The following UST variants were observed in gnomAD, a reference collection of about 807,000 sequenced individuals.
UST encodes uronyl 2-sulfotransferase.
UST carries 21 observed loss-of-function variants against 45.6 expected under a neutral mutation model. The observed-to-expected ratio is 0.46, with a 90% CI of 0.33 to 0.66. The LOEUF is 0.66. Among genes scored for constraint, UST ranks in the 30% least tolerant of loss-of-function variants. The pLI is 0.02. For synonymous variants in UST, 215 were observed against 200.6 expected, an observed-to-expected ratio of 1.07 and a Z score of -0.61; for missense variants, 463 against 512.4, an observed-to-expected ratio of 0.90 and a Z score of 0.93.
Position 148,748,234 on chromosome 6 carries a change from G to C in UST, c.247+557G>C, listed in dbSNP as rs1392933907. 1.3e-5 allele frequency among the ~76,000 whole-genome samples: 2 copies of C among 151,996 alleles called. No individual in the cohort carries two copies. The highest frequency in any genetic ancestry group is 6.6e-5 in the Admixed American group (1 of 15,258). ...TGTCCCCGGGCTGGCTTGTCCCTTG[G>C]CTGCCGCTGCCCACCCCGCCGCCCG... On this transcript the variant is annotated intron_variant, in intron 1 of 7. Transcript: ENST00000367463. The surrounding 1 kb of genome is among the most constrained non-coding windows in gnomAD (Gnocchi z 5.3).
intron 1 of UST, among the ~76,000 whole-genome samples, chr6:148,773,054 A>G (rs923877818): frequency 2.6e-5 from 4 of 152,234 alleles, no homozygotes; most frequent in Admixed American, 2.0e-4. Flanking sequence ...AGGAATTTTA[A>G]AAAAAATTAT....
At chr6:148,968,310 A>G (rs1160327483) in intron 5 of UST, among the ~76,000 whole-genome samples, 1 of 152,166 alleles carries the variant, frequency 6.6e-6, no homozygotes, top group Non-Finnish European at 1.5e-5. Flanking sequence ...CAAACTTTCT[A>G]TTTCTTTCCA....
intron 7 of UST, among the ~76,000 whole-genome samples, chr6:149,042,074 A>G (rs1353234393): frequency 1.3e-5 from 2 of 152,254 alleles, no homozygotes; most frequent in Non-Finnish European, 2.9e-5. Context: ...GTACTGTGAT[A>G]AACATTTTAT....
intron 1 of UST, among the ~76,000 whole-genome samples, chr6:148,832,272 A>G (rs1307843250): frequency 2.0e-5 from 3 of 152,214 alleles, no homozygotes; most frequent in Non-Finnish European, 2.9e-5. Flanking sequence ...AATTGACTTT[A>G]AACCAAACAC....
chr6:148,961,421 C>A (rs1321715477), intron 4 of UST, among the ~76,000 whole-genome samples: 2 of 152,034 alleles, frequency 1.3e-5, no homozygotes, highest in African/African-American at 4.8e-5. Flanking sequence ...TTTAGCGCTC[C>A]ATAAAGATCA....
chr6:148,764,659 C>G (rs948295185), intron 1 of UST, among the ~76,000 whole-genome samples: 1 of 152,098 alleles, frequency 6.6e-6, no homozygotes, highest in African/African-American at 2.4e-5. Context: ...GCCCCCTGAG[C>G]TGTAAAACCA....
At chr6:148,887,052 A>G (rs1255830386) in intron 2 of UST, 23 bp downstream of exon 2, 1 of 1,600,834 alleles carries the variant, frequency 6.2e-7, no homozygotes, top group Non-Finnish European at 8.5e-7. Context: ...CTTGTGATAT[A>G]AGTCCCCTTT....
rs769309924 is a variant in UST at position 148,790,955 on chromosome 6, A to G, written c.247+43278A>G. ...CACATCTCTCCCTCAGGATCTGCGC[A>G]ACAGTTAAAGGTGCACGCGTTAGTG... On this transcript the variant is annotated intron_variant, in intron 1 of 7. Transcript: ENST00000367463. This position sits in a 1 kb window ranked among gnomAD's most constrained non-coding sequence, Gnocchi z 4.2. Among the ~76,000 whole-genome samples, 3 of 152,216 alleles carry G rather than the reference A, an allele frequency of 2.0e-5. No individual in the cohort carries two copies. The highest frequency in any genetic ancestry group is 4.4e-5 in the Non-Finnish European group (3 of 68,038).
At chr6:148,983,177 C>T (rs117423993) in intron 5 of UST, among the ~76,000 whole-genome samples, 18 of 152,238 alleles carry the variant, frequency 1.2e-4, no homozygotes, top group African/African-American at 4.3e-4. Context: ...AGTCAACCGT[C>T]TTCCAAGAAT....
At chr6:148,863,250 T>C (rs539529870) in intron 1 of UST, among the ~76,000 whole-genome samples, 1 of 152,362 alleles carries the variant, frequency 6.6e-6, no homozygotes, top group Non-Finnish European at 1.5e-5. Flanking sequence ...ATTCATTTGA[T>C]CTTCAATCAC....
At chr6:148,935,009 GA>G (rs967746691) in intron 2 of UST, among the ~76,000 whole-genome samples, 3 of 152,284 alleles carry the variant, frequency 2.0e-5, no homozygotes, top group African/African-American at 7.2e-5. Context: ...CATAGACTAT[GA>G]AAGTCTTGGT....
intron 1 of UST, among the ~76,000 whole-genome samples, chr6:148,839,345 C>CT (rs1310355918): frequency 6.6e-6 from 1 of 152,188 alleles, no homozygotes; most frequent in Non-Finnish European, 1.5e-5. Flanking sequence ...CACCAGTTCA[C>CT]TTTTTTGTTT....
chr6:148,823,303 A>C (rs1777501233), intron 1 of UST, among the ~76,000 whole-genome samples: 1 of 152,232 alleles, frequency 6.6e-6, no homozygotes, highest in Admixed American at 6.5e-5. Flanking sequence ...GAAGTTTATC[A>C]CTGACATTAT....
chr6:148,821,819 C>G (rs1777471333), intron 1 of UST, among the ~76,000 whole-genome samples: 2 of 152,132 alleles, frequency 1.3e-5, no homozygotes, highest in African/African-American at 4.8e-5. Context: ...ATTCATTTAT[C>G]TTTATCAGTA....
chr6:149,059,250 G>A (rs1014901275), intron 7 of UST, among the ~76,000 whole-genome samples: 1 of 152,188 alleles, frequency 6.6e-6, no homozygotes, highest in East Asian at 1.9e-4. Flanking sequence ...AGGATCTGAG[G>A]GTGAGGTTGG....
chr6:149,066,816 T>C (rs1776736085), intron 7 of UST, among the ~76,000 whole-genome samples: 1 of 152,144 alleles, frequency 6.6e-6, no homozygotes, highest in Admixed American at 6.6e-5. Flanking sequence ...AGCTCACTCC[T>C]GTAGTCCCAA....
At chr6:148,837,306 C>A (rs12154204) in intron 1 of UST, among the ~76,000 whole-genome samples, 3,727 of 152,290 alleles carry the variant, frequency 0.024, 76 homozygotes, top group Middle Eastern at 0.041. Context: ...TATCCTCACC[C>A]CTTCCTGGGA....
chr6:148,764,921 A>G (rs1776292323), intron 1 of UST, among the ~76,000 whole-genome samples: 1 of 152,158 alleles, frequency 6.6e-6, no homozygotes, highest in South Asian at 2.1e-4. Context: ...GCAGGAGACT[A>G]GGGTGTGTTT....
At chr6:148,961,803 G>A (rs1780665068) in intron 4 of UST, among the ~76,000 whole-genome samples, 1 of 152,176 alleles carries the variant, frequency 6.6e-6, no homozygotes, top group Admixed American at 6.5e-5. Flanking sequence ...GTGACCCAGG[G>A]ACTTTATAAA....
Sources: gnomAD v4.1 joint callset for allele counts (sites outside exome capture counted in the v4.1 genomes callset) on GRCh38, gnomAD v4.1.1 for gene constraint, Gnocchi (gnomAD v3.1) non-coding constraint, MANE v1.5 for transcripts, NCBI Gene and HGNC (gene_info 2026-07-23, HGNC 2026-07-21) for gene names.